SHROOM3: variants seen among roughly 807,000 people sequenced by gnomAD.
SHROOM3 encodes shroom family member 3.
A neutral mutation model predicts 138.6 loss-of-function variants in SHROOM3; 47 were observed. That is an observed-to-expected ratio of 0.34 (90% CI 0.27 to 0.43). The LOEUF is 0.43. Among genes scored for constraint, SHROOM3 ranks in the 20% least tolerant of loss-of-function variants. The pLI is 1.00. For synonymous variants in SHROOM3, 1,062 were observed against 1,063.3 expected, an observed-to-expected ratio of 1.00 and a Z score of 0.02; for missense variants, 2,491 against 2,596.5, an observed-to-expected ratio of 0.96 and a Z score of 0.88.
chr4:76,586,510 T>G, intron 2 of SHROOM3: 7 of 976,492 alleles, frequency 7.2e-6, no homozygotes, highest in Non-Finnish European at 7.3e-6. Flanking sequence ...ATGACATTAT[T>G]TCTCCGTCGA....
rs144790053 is a variant in SHROOM3 at position 76,776,512 on chromosome 4, CTT to C, written c.5623-2295_5623-2294del. On this transcript the variant is annotated intron_variant, in intron 10 of 10. Coordinates refer to ENST00000296043, the MANE Select transcript of SHROOM3 (RefSeq NM_020859.4). The stretch of plus-strand genomic sequence containing the variant: ...CCTTTTGGATTCTTTGTCATGAACT[CTT>C]TGCCGAAGCCAATGCCTAGAAGATT... Among the ~76,000 whole-genome samples the C allele has an allele frequency of 6.3e-3, 962 of 152,288 alleles. 3 individuals are homozygous for C. Among genetic ancestry groups the C allele is most frequent in the Middle Eastern group, 0.017 (5 of 294 alleles).
At chr4:76,762,024 C>T (rs1722003840) in intron 9 of SHROOM3, among the ~76,000 whole-genome samples, 1 of 152,128 alleles carries the variant, frequency 6.6e-6, no homozygotes, top group African/African-American at 2.4e-5. Flanking sequence ...GCCTTGCTAT[C>T]CTCAACACAT....
At chr4:76,744,126 G>A (rs4859711) in intron 5 of SHROOM3, among the ~76,000 whole-genome samples, 35,807 of 152,112 alleles carry the variant, frequency 0.24, 4,343 homozygotes, top group East Asian at 0.33. Context: ...AAACATAGGC[G>A]TTGGGAGAAG....
At position 76,782,778 on chromosome 4, in the gene SHROOM3, G is replaced by T. The variant is rs921720938; in HGVS notation, c.*3601G>T. 8 of 152,220 alleles carry T rather than the reference G, an allele frequency of 5.3e-5. No homozygotes were observed. In the East Asian group the frequency reaches 1.5e-3, roughly 29 times the overall value. 9.4% of individuals were successfully genotyped at this position (152,220 alleles called of 1,614,324 possible). ...GTATAAAAAGTGGTCAAGTGAATGT[G>T]AAGGGGCTTTTCTACACAGGAATAT... On this transcript the variant is annotated 3_prime_UTR_variant, in exon 11 of 11. Coordinates refer to ENST00000296043, the MANE Select transcript of SHROOM3 (RefSeq NM_020859.4).
At chr4:76,709,748 G>C in intron 2 of SHROOM3, 1 of 275,342 alleles carries the variant, frequency 3.6e-6, no homozygotes, top group Admixed American at 5.1e-5. Flanking sequence ...GAGAAGTGAG[G>C]TGGCAGAGGC....
At chr4:76,539,486 A>G (rs1404230376) in intron 1 of SHROOM3, among the ~76,000 whole-genome samples, 1 of 152,234 alleles carries the variant, frequency 6.6e-6, no homozygotes, top group African/African-American at 2.4e-5. Flanking sequence ...TGTGAGGTAT[A>G]TAAGTGAGGC....
intron 2 of SHROOM3, chr4:76,709,860 A>G (rs1366080586): frequency 2.8e-6 from 1 of 359,180 alleles, no homozygotes; most frequent in Non-Finnish European, 5.3e-6. Context: ...ATAACAGTTA[A>G]TATAACTTTC....
chr4:76,740,116 G>A lies in SHROOM3; in HGVS notation c.1943G>A (p.Gly648Asp). The change falls in exon 5 of 11, where the codon GGC (glycine) becomes GAC (aspartate). Residue 648 changes from glycine to aspartate, a missense_variant. Coordinates refer to ENST00000296043, the MANE Select transcript of SHROOM3 (RefSeq NM_020859.4). The surrounding 1 kb of genome is among the most constrained non-coding windows in gnomAD (Gnocchi z 4.0). ...LWRRLEREGL[G>D]QSLSGNFGKT... ...AGGAGGCTGGAGAGAGAAGGCCTAG[G>A]CCAGAGCCTGTCAGGCAACTTTGGC... The A allele has an allele frequency of 6.2e-7, 1 of 1,613,776 alleles. No individual in the cohort carries two copies. The highest frequency in any genetic ancestry group is 1.1e-5 in the South Asian group (1 of 91,088).
At chr4:76,563,918 A>G (rs1019826778) in intron 2 of SHROOM3, among the ~76,000 whole-genome samples, 1 of 152,202 alleles carries the variant, frequency 6.6e-6, no homozygotes, top group Non-Finnish European at 1.5e-5. Flanking sequence ...TAACTCCTGT[A>G]TGAAGGGGCA....
intron 1 of SHROOM3, among the ~76,000 whole-genome samples, chr4:76,530,033 A>C (rs1031568522): frequency 2.0e-5 from 3 of 152,284 alleles, no homozygotes; most frequent in Non-Finnish European, 2.9e-5. Flanking sequence ...CACTGGGCAC[A>C]ATTTGTGCTG....
intron 2 of SHROOM3, among the ~76,000 whole-genome samples, chr4:76,614,406 A>T (rs1399997463): frequency 6.6e-6 from 1 of 152,176 alleles, no homozygotes; most frequent in Non-Finnish European, 1.5e-5. Flanking sequence ...GACTGGGGCA[A>T]ATGGAGGACT....
chr4:76,741,401 C>A lies in SHROOM3; in HGVS notation c.3228C>A (p.Pro1076=). The A allele has an allele frequency of 6.2e-7, 1 of 1,600,424 alleles. No individual in the cohort carries two copies. The highest frequency in any genetic ancestry group is 2.3e-5 in the East Asian group (1 of 44,202). The change falls in exon 5 of 11, where the codon CCC becomes CCA. Residue 1076 remains proline (P), a synonymous_variant. Coordinates refer to ENST00000296043, the MANE Select transcript of SHROOM3 (RefSeq NM_020859.4). The surrounding 1 kb of genome is among the most constrained non-coding windows in gnomAD (Gnocchi z 6.2). ...GCTCCACGCTCAGCCTGTCGGGGCC[C>A]GAGCTGAAGCAGTTCCAGCAGAGCG... ...KACSTLSLSG[P]ELKQFQQSAL...
chr4:76,547,522 A>T (rs1733248200), intron 1 of SHROOM3, among the ~76,000 whole-genome samples: 1 of 152,200 alleles, frequency 6.6e-6, no homozygotes, highest in South Asian at 2.1e-4. Flanking sequence ...TATGTGCTCC[A>T]TGCTGTTCTG....
chr4:76,562,044 T>TA (rs569024817), intron 2 of SHROOM3, among the ~76,000 whole-genome samples: 23 of 151,894 alleles, frequency 1.5e-4, no homozygotes, highest in East Asian at 1.2e-3. Context: ...CTCAAAACAA[T>TA]AAAAAAACAA....
At chr4:76,702,181 GC>G (rs1719921500) in intron 2 of SHROOM3, among the ~76,000 whole-genome samples, 1 of 152,190 alleles carries the variant, frequency 6.6e-6, no homozygotes. Flanking sequence ...AGTATACAAA[GC>G]CCAGTAATCC....
Position 76,778,970 on chromosome 4 carries a change from G to A in SHROOM3, c.5784G>A (p.Lys1928=). ...LQDYQHFVKM[K]STLLIEQRKL... ...ACTACCAGCACTTCGTGAAAATGAA[G>A]TCCACGCTCCTCATTGAGCAACGGA... Residue 1928 remains lysine (K), a synonymous_variant, in exon 11 of 11, where the codon AAG becomes AAA. Coordinates refer to ENST00000296043, the MANE Select transcript of SHROOM3 (RefSeq NM_020859.4). The A allele has an allele frequency of 1.2e-6, 2 of 1,614,150 alleles. No homozygotes were observed. Among genetic ancestry groups the A allele is most frequent in the East Asian group, 2.2e-5 (1 of 44,876 alleles).
intron 1 of SHROOM3, among the ~76,000 whole-genome samples, chr4:76,530,659 G>A (rs1732810878): frequency 6.6e-6 from 1 of 152,174 alleles, no homozygotes; most frequent in Non-Finnish European, 1.5e-5. Context: ...ATAACTTGGA[G>A]GAAGAAACCC....
At chr4:76,690,520 A>G (rs769940356) in intron 2 of SHROOM3, among the ~76,000 whole-genome samples, 1 of 152,254 alleles carries the variant, frequency 6.6e-6, no homozygotes, top group Non-Finnish European at 1.5e-5. Context: ...GTCCTAGCAC[A>G]GAGGCTGCCA....
chr4:76,510,021 C>T (rs1732299810), intron 1 of SHROOM3, among the ~76,000 whole-genome samples: 2 of 152,056 alleles, frequency 1.3e-5, no homozygotes, highest in Non-Finnish European at 2.9e-5. Flanking sequence ...GTGAGTACTT[C>T]CATATACTAT....
Sources: gnomAD v4.1 joint callset for allele counts (sites outside exome capture counted in the v4.1 genomes callset) on GRCh38, gnomAD v4.1.1 for gene constraint, Gnocchi (gnomAD v3.1) non-coding constraint, MANE v1.5 for transcripts, NCBI Gene and HGNC (gene_info 2026-07-23, HGNC 2026-07-21) for gene names.